CDK6: variants seen among roughly 807,000 people sequenced by gnomAD.
CDK6 encodes the protein cyclin-dependent kinase 6.
Under a neutral mutation model 37.1 loss-of-function variants are expected in CDK6, and 6 were observed. The observed-to-expected ratio is 0.16, with a 90% CI of 0.09 to 0.32. The LOEUF is 0.32. Ranked by LOEUF, CDK6 falls within the 10% of genes least tolerant of loss-of-function variation. CDK6 has a pLI of 1.00. For missense variants in CDK6, 224 were observed against 418.9 expected (o/e 0.53, Z 4.06); for synonymous variants, 160 against 161.3 (o/e 0.99, Z 0.06).
At chr7:92,775,166 T>C (rs1447076247) in intron 2 of CDK6, among the ~76,000 whole-genome samples, 2 of 152,206 alleles carry the variant, frequency 1.3e-5, no homozygotes, top group African/African-American at 2.4e-5. Context: ...AAAAACTTGA[T>C]GTCTAGGCAA....
intron 5 of CDK6, among the ~76,000 whole-genome samples, chr7:92,661,851 T>A (rs760799821): frequency 6.6e-6 from 1 of 152,210 alleles, no homozygotes; most frequent in East Asian, 1.9e-4. Flanking sequence ...GGGTCAACTG[T>A]ACAGAGCGTG....
intron 4 of CDK6, among the ~76,000 whole-genome samples, chr7:92,680,435 G>GAAAAAAA (rs778849907): frequency 3.6e-5 from 1 of 27,934 alleles, no homozygotes; most frequent in African/African-American, 1.2e-4. Context: ...TTCCATCTCA[G>GAAAAAAA]AAAAAAAAAA....
intron 2 of CDK6, among the ~76,000 whole-genome samples, chr7:92,786,665 T>TG (rs1800141835): frequency 6.7e-6 from 1 of 148,794 alleles, no homozygotes; most frequent in Non-Finnish European, 1.5e-5. Flanking sequence ...ATAAATAATC[T>TG]GGCTCTGTGT....
chr7:92,726,501 C>T (rs1416736389), intron 3 of CDK6, among the ~76,000 whole-genome samples: 1 of 152,080 alleles, frequency 6.6e-6, no homozygotes, highest in South Asian at 2.1e-4. Flanking sequence ...GACTTGACTT[C>T]CTTGGCTCAA....
At chr7:92,678,869 A>T (rs1797268432) in intron 4 of CDK6, among the ~76,000 whole-genome samples, 1 of 152,186 alleles carries the variant, frequency 6.6e-6, no homozygotes, top group Non-Finnish European at 1.5e-5. Flanking sequence ...TGAGGTCAGG[A>T]TCCTCAACTC....
intron 4 of CDK6, among the ~76,000 whole-genome samples, chr7:92,680,731 G>A (rs927948568): frequency 6.6e-6 from 1 of 152,156 alleles, no homozygotes; most frequent in African/African-American, 2.4e-5. Context: ...ATATGTGGAT[G>A]TCCCATCACC....
intron 5 of CDK6, among the ~76,000 whole-genome samples, chr7:92,627,602 C>G (rs1450778914): frequency 6.6e-6 from 1 of 152,026 alleles, no homozygotes; most frequent in Admixed American, 6.6e-5. Context: ...TGTTTATAAG[C>G]CAATCCAGTT....
chr7:92,822,357 C>T (rs1462354603), intron 2 of CDK6, among the ~76,000 whole-genome samples: 1 of 152,058 alleles, frequency 6.6e-6, no homozygotes, highest in African/African-American at 2.4e-5. Flanking sequence ...AGGTCAGAAT[C>T]CAATTTACTA....
chr7:92,730,494 G>T (rs1798618076), intron 3 of CDK6, among the ~76,000 whole-genome samples: 1 of 152,136 alleles, frequency 6.6e-6, no homozygotes, highest in African/African-American at 2.4e-5. Flanking sequence ...AGAGGGAAAG[G>T]TCACCTGAGC....
chr7:92,674,107 T>C (rs1214092013), intron 4 of CDK6, among the ~76,000 whole-genome samples: 1 of 151,328 alleles, frequency 6.6e-6, no homozygotes, highest in Non-Finnish European at 1.5e-5. Flanking sequence ...TTTTTTGAGT[T>C]CTTCAACTAA....
At chr7:92,770,666 C>T (rs1055610940) in intron 3 of CDK6, among the ~76,000 whole-genome samples, 10 of 151,714 alleles carry the variant, frequency 6.6e-5, no homozygotes, top group Non-Finnish European at 8.8e-5. Context: ...TTCTAACAAA[C>T]GTGTTGATGA....
chr7:92,802,524 T>C (rs924549408), intron 2 of CDK6, among the ~76,000 whole-genome samples: 1 of 152,136 alleles, frequency 6.6e-6, no homozygotes, highest in Non-Finnish European at 1.5e-5. Context: ...ACAATCATTC[T>C]CTCCTCTCAA....
At chr7:92,753,215 A>C (rs1044585019) in intron 3 of CDK6, among the ~76,000 whole-genome samples, 1 of 152,096 alleles carries the variant, frequency 6.6e-6, no homozygotes, top group East Asian at 1.9e-4. Context: ...TCAATTACTG[A>C]TGATCCCCTA....
chr7:92,688,939 A>G (rs1797534085), intron 4 of CDK6, among the ~76,000 whole-genome samples: 1 of 152,226 alleles, frequency 6.6e-6, no homozygotes, highest in South Asian at 2.1e-4. Context: ...GGGGAACCAC[A>G]GCAACTATTT....
intron 4 of CDK6, chr7:92,710,836 G>A: frequency 2.0e-6 from 2 of 985,442 alleles, no homozygotes; most frequent in Non-Finnish European, 2.4e-6. Flanking sequence ...CGGATGACTT[G>A]GACACCTCTG....
intron 2 of CDK6, among the ~76,000 whole-genome samples, chr7:92,787,766 G>GCTCACAAAGTCTT (rs1800182765): frequency 6.6e-6 from 1 of 151,996 alleles, no homozygotes; most frequent in Non-Finnish European, 1.5e-5. Flanking sequence ...AACAACGATG[G>GCTCACAAAGTCTT]CTCACAAAGT....
chr7:92,829,387 C>T (rs569555096), intron 2 of CDK6, among the ~76,000 whole-genome samples: 3 of 152,272 alleles, frequency 2.0e-5, no homozygotes, highest in South Asian at 2.1e-4. Context: ...TACTGTTACA[C>T]TAATAAATAT....
chr7:92,731,595 C>G (rs1043360060), intron 3 of CDK6, among the ~76,000 whole-genome samples: 1 of 152,090 alleles, frequency 6.6e-6, no homozygotes, highest in Admixed American at 6.5e-5. Flanking sequence ...TTTACTGCTT[C>G]TAGGCAACTG....
chr7:92,769,268 G>A (rs1398609002), intron 3 of CDK6, among the ~76,000 whole-genome samples: 3 of 151,984 alleles, frequency 2.0e-5, no homozygotes, highest in Admixed American at 2.0e-4. Flanking sequence ...CAGAGAAAAC[G>A]ACCCACACAG....
Sources: gnomAD v4.1 joint callset for allele counts (sites outside exome capture counted in the v4.1 genomes callset) on GRCh38, gnomAD v4.1.1 for gene constraint, MANE v1.5 for transcripts, NCBI Gene and HGNC (gene_info 2026-07-23, HGNC 2026-07-21) for gene names.